Variants in TBKBP1 observed in about 807,000 individuals in gnomAD.
The protein encoded by TBKBP1 is TBK1 binding protein 1.
Under a neutral mutation model 69.9 loss-of-function variants are expected in TBKBP1, and 47 were observed. The observed-to-expected ratio is 0.67, with a 90% CI of 0.53 to 0.86. TBKBP1 has a LOEUF of 0.86. Ranked by LOEUF, TBKBP1 falls within the 40% of genes least tolerant of loss-of-function variation. TBKBP1 has a pLI of 0.00. For synonymous variants in TBKBP1, 418 were observed against 390.3 expected, an observed-to-expected ratio of 1.07 and a Z score of -0.84; for missense variants, 831 against 858.6, an observed-to-expected ratio of 0.97 and a Z score of 0.40.
chr17:47,709,244 G>T lies in TBKBP1; in HGVS notation c.1511G>T (p.Ser504Ile). The T allele has an allele frequency of 1.3e-6, 2 of 1,522,680 alleles. No homozygotes were observed. The highest frequency in any genetic ancestry group is 1.9e-4 in the Middle Eastern group (1 of 5,138). The allele number at this position is 1,522,680 out of a possible 1,614,324, so 94.3% of individuals were successfully genotyped here. Reference sequence around the variant, plus strand: ...CTCTACGGCCCTGGCAGGCCCCTCAGCCCGCGGCGCGCCTTCGAGGGCATC... The same window carrying T: ...CTCTACGGCCCTGGCAGGCCCCTCATCCCGCGGCGCGCCTTCGAGGGCATC... ...SELYGPGRPL[S>I]PRRAFEGIRL... The change falls in exon 9 of 10, where the codon AGC (serine) becomes ATC (isoleucine). Residue 504 changes from serine to isoleucine, a missense_variant. Physicochemically the swap from Ser to Ile is moderately radical, Grantham distance 142 (BLOSUM62 -2). Coordinates refer to ENST00000578982, the MANE Select transcript of TBKBP1 (RefSeq NM_001394755.1).
intron 7 of TBKBP1, among the ~76,000 whole-genome samples, chr17:47,703,898 A>G (rs4267364): frequency 0.64 from 98,031 of 152,032 alleles, 32,301 homozygotes; most frequent in African/African-American, 0.76. Flanking sequence ...TCAGTAAGAA[A>G]TTCAGTGCAG....
In TBKBP1 at chr17:47,708,552, C is replaced by G; in HGVS notation, c.991+40C>G. The G allele has an allele frequency of 1.3e-6, 2 of 1,598,750 alleles. No individual in the cohort carries two copies. The highest frequency in any genetic ancestry group is 8.6e-7 in the Non-Finnish European group (1 of 1,168,290). On this transcript the variant is annotated intron_variant, in intron 8 of 9. Coordinates refer to ENST00000578982, the MANE Select transcript of TBKBP1 (RefSeq NM_001394755.1). This position sits in a 1 kb window ranked among gnomAD's most constrained non-coding sequence, Gnocchi z 4.4. ...GGCAGGGGGAGGCAGCCGCGGGACC[C>G]GGGAAGGAGCGGGTAGCCATGGCAA...
chr17:47,706,865 A>ACACC (rs1555623213), intron 7 of TBKBP1, among the ~76,000 whole-genome samples: 1 of 151,058 alleles, frequency 6.6e-6, no homozygotes, highest in Non-Finnish European at 1.5e-5. Context: ...ACACACACAC[A>ACACC]CACACGCACA....
At chr17:47,697,336 G>A (rs1007503581) in intron 4 of TBKBP1, 143 bp downstream of exon 4, 1 of 721,810 alleles carries the variant, frequency 1.4e-6, no homozygotes, top group Admixed American at 2.3e-5. Context: ...TGCCCTGCTT[G>A]TGTTCATGTG....
intron 5 of TBKBP1, among the ~76,000 whole-genome samples, chr17:47,699,032 C>G (rs561811003): frequency 2.6e-5 from 4 of 152,136 alleles, no homozygotes; most frequent in African/African-American, 4.8e-5. Context: ...AGAGTCCCCC[C>G]GCCCCGTCTC....
At chr17:47,698,218 C>T (rs2031328817) in intron 4 of TBKBP1, among the ~76,000 whole-genome samples, 1 of 152,166 alleles carries the variant, frequency 6.6e-6, no homozygotes, top group Non-Finnish European at 1.5e-5. Context: ...CTCAAAACAA[C>T]CCTAAGAGGT....
Position 47,709,080 on chromosome 17 carries a change from C to T in TBKBP1, c.1347C>T (p.Ser449=), listed in dbSNP as rs943906137. The change falls in exon 9 of 10, where the codon AGC becomes AGT. Residue 449 remains serine (S), a synonymous_variant. Coordinates refer to ENST00000578982, the MANE Select transcript of TBKBP1 (RefSeq NM_001394755.1). ...AGCGCGCCTACGCCAAGCCGCCCAGCCACCACGTGAAGGCCGGCTTCCAGG... is the reference window on the plus strand; with the variant it reads ...AGCGCGCCTACGCCAAGCCGCCCAGTCACCACGTGAAGGCCGGCTTCCAGG... ...LAERAYAKPP[S]HHVKAGFQGR... 7.4e-7 allele frequency: 1 copy of T among 1,356,902 alleles called. No homozygotes were observed. Among genetic ancestry groups the T allele is most frequent in the Non-Finnish European group, 9.4e-7 (1 of 1,059,236 alleles). The allele number at this position is 1,356,902 out of a possible 1,614,324, so 84.1% of individuals were successfully genotyped here. A position where few individuals can be genotyped will look rare whatever the true frequency, so the allele number is the denominator to read the frequency against.
chr17:47,699,355 C>G lies in TBKBP1; in HGVS notation c.670C>G (p.Leu224Val), dbSNP rs767957636. 1.9e-6 allele frequency: 3 copies of G among 1,552,086 alleles called. No individual in the cohort carries two copies. The highest frequency in any genetic ancestry group is 2.6e-6 in the Non-Finnish European group (3 of 1,154,484). ...GGGCTCCACACCCAGTGTGAGTGAC[C>G]TGGAGCGGCGGCGGCTAGAAGAGGC... ...WPGSTPSVSDLERRRLEEALE... is the reference protein window; with the variant it reads ...WPGSTPSVSDVERRRLEEALE... The change falls in exon 6 of 10, where the codon CTG becomes GTG. Residue 224 changes from leucine (L) to valine (V), a missense_variant. Coordinates refer to ENST00000578982, the MANE Select transcript of TBKBP1 (RefSeq NM_001394755.1).
intron 5 of TBKBP1, 134 bp from the exon 6 acceptor site, chr17:47,699,186 G>A (rs565020924): frequency 9.2e-6 from 9 of 976,728 alleles, no homozygotes; most frequent in Admixed American, 7.4e-5. Context: ...TGCCCTTGTC[G>A]CAGTCATCCC....
At chr17:47,701,372 C>A (rs903044958) in intron 7 of TBKBP1, among the ~76,000 whole-genome samples, 32 of 151,550 alleles carry the variant, frequency 2.1e-4, no homozygotes, top group Non-Finnish European at 4.3e-4. Flanking sequence ...CACACACACA[C>A]ACACACTCTC....
At position 47,696,892 on chromosome 17, in the gene TBKBP1, C is replaced by T. The variant is rs2031269634; in HGVS notation, c.348+59C>T. ...ATCTTGCTCCAGTCTGTTTCTGATA[C>T]CCTTCCCTCCACACCCCCCAGCATC... is the stretch of plus-strand genomic sequence containing the variant. On this transcript the variant is annotated intron_variant, in intron 3 of 9. Transcript: ENST00000578982. The T allele has an allele frequency of 3.1e-6, 5 of 1,594,242 alleles. No homozygotes were observed. The South Asian group carries it at 5.6e-5, about 18-fold the overall frequency.
chr17:47,695,983 C>G (rs2031214143), intron 1 of TBKBP1, 96 bp from the exon 2 acceptor site: 1 of 706,160 alleles, frequency 1.4e-6, no homozygotes, highest in African/African-American at 1.8e-5. Flanking sequence ...TGGGTTGCAT[C>G]TTAGCCGGCC....
intron 5 of TBKBP1, among the ~76,000 whole-genome samples, chr17:47,698,980 C>A (rs1347700391): frequency 1.3e-5 from 2 of 152,126 alleles, no homozygotes; most frequent in Non-Finnish European, 2.9e-5. Flanking sequence ...CTGATCACCT[C>A]GTTGCAATTC....
chr17:47,710,660 C>T lies in TBKBP1; in HGVS notation c.*34C>T, dbSNP rs750011102. The T allele has an allele frequency of 1.3e-6, 2 of 1,583,090 alleles. No individual in the cohort carries two copies. Among genetic ancestry groups the T allele is most frequent in the South Asian group, 2.2e-5 (2 of 89,986 alleles). ...CCCCACCCACTGGCTGTTTCTCCGT[C>T]CTCTCCTATCACCCCCAAACACTCA... is the stretch of plus-strand genomic sequence containing the variant. On this transcript the variant is annotated 3_prime_UTR_variant, in exon 10 of 10. Transcript: ENST00000578982.
intron 7 of TBKBP1, among the ~76,000 whole-genome samples, chr17:47,706,620 C>G (rs1327691119): frequency 6.6e-6 from 1 of 152,164 alleles, no homozygotes; most frequent in Non-Finnish European, 1.5e-5. Flanking sequence ...TCCCAGAGAC[C>G]TGGCCCATTT....
In TBKBP1 at chr17:47,710,677, A is replaced by G. The variant is rs941364239; in HGVS notation, c.*51A>G. On this transcript the variant is annotated 3_prime_UTR_variant, in exon 10 of 10. Coordinates refer to ENST00000578982, the MANE Select transcript of TBKBP1 (RefSeq NM_001394755.1). ...TTCTCCGTCCTCTCCTATCACCCCC[A>G]AACACTCACTTTGAATGCTGCATGA... 2 of 1,570,106 alleles carry G rather than the reference A, an allele frequency of 1.3e-6. No individual in the cohort carries two copies. Among genetic ancestry groups the G allele is most frequent in the Admixed American group, 1.7e-5 (1 of 58,552 alleles).
chr17:47,698,192 C>T (rs1465722710), intron 4 of TBKBP1, among the ~76,000 whole-genome samples: 2 of 152,258 alleles, frequency 1.3e-5, no homozygotes, highest in East Asian at 1.9e-4. Flanking sequence ...CTGGCATACA[C>T]TAGCTCATTT....
Position 47,708,598 on chromosome 17 carries a change from AC to A in TBKBP1, c.991+89del, listed in dbSNP as rs1406698357. On this transcript the variant is annotated intron_variant, in intron 8 of 9. Transcript: ENST00000578982. This position sits in a 1 kb window ranked among gnomAD's most constrained non-coding sequence, Gnocchi z 4.4. ...GGCAACCATCTTGGTCATGGGGACCACCCTTTATTTCCTTTCCTGTGGCCTG... is the reference window on the plus strand; with the variant it reads ...GGCAACCATCTTGGTCATGGGGACCACCTTTATTTCCTTTCCTGTGGCCTG... 5.3e-6 allele frequency: 8 copies of A among 1,508,124 alleles called. No individual in the cohort carries two copies. The highest frequency in any genetic ancestry group is 6.3e-6 in the Non-Finnish European group (7 of 1,105,434). The allele number at this position is 1,508,124 out of a possible 1,614,324, so 93.4% of individuals were successfully genotyped here. A position where few individuals can be genotyped will look rare whatever the true frequency, so the allele number is the denominator to read the frequency against.
rs572591379 is a variant in TBKBP1, at chr17:47,710,672, C to T, written c.*46C>T. 2 of 1,572,100 alleles carry T rather than the reference C, an allele frequency of 1.3e-6. No homozygotes were observed. Reference sequence around the variant, plus strand: ...GCTGTTTCTCCGTCCTCTCCTATCACCCCCAAACACTCACTTTGAATGCTG... The same window carrying T: ...GCTGTTTCTCCGTCCTCTCCTATCATCCCCAAACACTCACTTTGAATGCTG... On this transcript the variant is annotated 3_prime_UTR_variant, in exon 10 of 10. Coordinates refer to ENST00000578982, the MANE Select transcript of TBKBP1 (RefSeq NM_001394755.1).
Sources: allele counts gnomAD v4.1 joint callset (sites outside exome capture counted in the v4.1 genomes callset), GRCh38; gene constraint gnomAD v4.1.1; non-coding constraint Gnocchi (gnomAD v3.1); transcripts MANE v1.5; gene names NCBI Gene and HGNC (gene_info 2026-07-23, HGNC 2026-07-21).